Variants in SEMA3A observed in about 807,000 individuals in gnomAD.
SEMA3A encodes semaphorin 3A.
SEMA3A carries 29 observed loss-of-function variants against 97.9 expected under a neutral mutation model. That is an observed-to-expected ratio of 0.30 (90% CI 0.22 to 0.40). The LOEUF is 0.40. SEMA3A is among the 10% of genes least tolerant of loss of function. The pLI, the probability that SEMA3A is intolerant of heterozygous loss-of-function variation, is 1.00. For missense variants in SEMA3A, 763 were observed against 951.3 expected (o/e 0.80, Z 2.60); for synonymous variants, 321 against 323.7 (o/e 0.99, Z 0.09).
intron 1 of SEMA3A, among the ~76,000 whole-genome samples, chr7:84,392,663 T>C (rs1030868423): frequency 3.3e-5 from 5 of 152,168 alleles, no homozygotes; most frequent in African/African-American, 1.2e-4. Flanking sequence ...CTTTTCCTAA[T>C]TTACTTTCTC....
intron 2 of SEMA3A, among the ~76,000 whole-genome samples, chr7:84,310,201 T>C (rs921000477): frequency 6.6e-6 from 1 of 152,088 alleles, no homozygotes; most frequent in Admixed American, 6.5e-5. Context: ...TTGAATTCAG[T>C]AGTATAATGA....
chr7:84,011,771 A>G (rs983895611), intron 7 of SEMA3A, among the ~76,000 whole-genome samples: 1 of 152,214 alleles, frequency 6.6e-6, no homozygotes, highest in Admixed American at 6.5e-5. Context: ...GTCACCACAA[A>G]AAATAAGTAT....
rs58898080 is a variant in SEMA3A, at chr7:83,957,262, GCT to G, written c.*4107_*4108del. The G allele has an allele frequency of 0.11, 16,089 of 152,076 alleles. 1,234 individuals are homozygous for G. Among genetic ancestry groups the G allele is most frequent in the African/African-American group, 0.21 (8,827 of 41,442 alleles). 9.4% of individuals were successfully genotyped at this position (152,076 alleles called of 1,614,324 possible). ...GGATTAGATGATGATAAGTCATCTC[GCT>G]CTGTTTCCTTAATTTCATTGTGAGC... is the stretch of plus-strand genomic sequence containing the variant. On this transcript the variant is annotated 3_prime_UTR_variant, in exon 17 of 17. Transcript: ENST00000265362.
intron 1 of SEMA3A, among the ~76,000 whole-genome samples, chr7:84,447,446 C>A (rs1805446043): frequency 1.3e-5 from 2 of 152,144 alleles, no homozygotes; most frequent in African/African-American, 4.8e-5. Flanking sequence ...TGTGCTTTTT[C>A]CTGGCCTTGC....
chr7:84,172,637 A>G (rs112389035), intron 1 of SEMA3A, among the ~76,000 whole-genome samples: 14,791 of 151,972 alleles, frequency 0.097, 897 homozygotes, highest in African/African-American at 0.15. Flanking sequence ...TCTGTTAGCC[A>G]GGATGGTCTC....
At chr7:84,043,758 C>A (rs1792234830) in intron 6 of SEMA3A, among the ~76,000 whole-genome samples, 1 of 151,968 alleles carries the variant, frequency 6.6e-6, no homozygotes, top group African/African-American at 2.4e-5. Flanking sequence ...TCAGATGTAA[C>A]CTTTGTGCTA....
Position 83,959,303 on chromosome 7 carries a change from C to T in SEMA3A, c.*2068G>A, listed in dbSNP as rs1479537991. ...GCTGCAAATTTAGAATGAAACACAA[C>T]ACTGAATGTTAGTACAGTTTAGATA... On this transcript the variant is annotated 3_prime_UTR_variant, in exon 17 of 17. Coordinates refer to ENST00000265362, the MANE Select transcript of SEMA3A (RefSeq NM_006080.3). 1 of 152,026 alleles carries T rather than the reference C, an allele frequency of 6.6e-6. No homozygotes were observed. The highest frequency in any genetic ancestry group is 1.9e-4 in the East Asian group (1 of 5,198). 9.4% of individuals were successfully genotyped at this position (152,026 alleles called of 1,614,324 possible).
intron 3 of SEMA3A, among the ~76,000 whole-genome samples, chr7:84,204,925 A>C (rs1418844095): frequency 6.6e-6 from 1 of 152,210 alleles, no homozygotes; most frequent in Non-Finnish European, 1.5e-5. Context: ...CCAGATGTGC[A>C]TTTGAGATCC....
intron 3 of SEMA3A, among the ~76,000 whole-genome samples, chr7:84,235,633 C>A (rs963004121): frequency 2.0e-5 from 3 of 151,988 alleles, no homozygotes; most frequent in Non-Finnish European, 4.4e-5. Flanking sequence ...AATTCCTCTT[C>A]TCCATTTTGT....
Position 83,957,602 on chromosome 7 carries a change from TTC to T in SEMA3A, c.*3767_*3768del, listed in dbSNP as rs1321890915. 17 of 152,254 alleles carry T rather than the reference TTC, an allele frequency of 1.1e-4. No homozygotes were observed. In the East Asian group the frequency reaches 3.3e-3, roughly 29 times the overall value. 9.4% of individuals were successfully genotyped at this position (152,254 alleles called of 1,614,324 possible). On this transcript the variant is annotated 3_prime_UTR_variant, in exon 17 of 17. Transcript: ENST00000265362. ...TGGGCTGTCACATATGCTGATTTTA[TTC>T]TCTCTTTCATTTAGATATTTTCTTA...
chr7:84,338,142 T>C (rs1802081877), intron 2 of SEMA3A, among the ~76,000 whole-genome samples: 1 of 151,238 alleles, frequency 6.6e-6, no homozygotes, highest in Non-Finnish European at 1.5e-5. Context: ...TGTATATATA[T>C]AATAAAATAT....
intron 12 of SEMA3A, among the ~76,000 whole-genome samples, chr7:83,993,988 C>G (rs1208796515): frequency 1.6e-5 from 2 of 127,472 alleles, no homozygotes; most frequent in East Asian, 6.3e-4. Context: ...CACATAGTCC[C>G]ATATTTCTTG....
intron 2 of SEMA3A, among the ~76,000 whole-genome samples, 157 bp downstream of exon 2, chr7:84,134,637 T>A (rs910027719): frequency 3.9e-5 from 6 of 152,222 alleles, no homozygotes; most frequent in Non-Finnish European, 8.8e-5. Context: ...ATTGCATCCA[T>A]TGATTCATTA....
At chr7:84,425,140 TTA>T (rs1456649726) in intron 1 of SEMA3A, among the ~76,000 whole-genome samples, 10 of 110,236 alleles carry the variant, frequency 9.1e-5, no homozygotes, top group East Asian at 2.6e-4. Flanking sequence ...TATATAAATA[TTA>T]TATATATTTA....
intron 3 of SEMA3A, among the ~76,000 whole-genome samples, chr7:84,227,035 G>A (rs1403519169): frequency 6.6e-6 from 1 of 151,990 alleles, no homozygotes; most frequent in African/African-American, 2.4e-5. Flanking sequence ...GTTAATTTGT[G>A]AATGATAAAT....
intron 4 of SEMA3A, among the ~76,000 whole-genome samples, chr7:84,062,957 C>G (rs1193915173): frequency 6.6e-6 from 1 of 152,006 alleles, no homozygotes; most frequent in Non-Finnish European, 1.5e-5. Context: ...GGCTCCACCT[C>G]TGGGGGCAGG....
At chr7:84,097,092 C>T (rs1012478360) in intron 4 of SEMA3A, among the ~76,000 whole-genome samples, 2 of 151,958 alleles carry the variant, frequency 1.3e-5, no homozygotes, top group South Asian at 2.1e-4. Flanking sequence ...AAATGTGGGA[C>T]GCCAAGCATC....
At chr7:84,147,835 T>C (rs73177474) in intron 1 of SEMA3A, among the ~76,000 whole-genome samples, 8,418 of 152,248 alleles carry the variant, frequency 0.055, 328 homozygotes, top group East Asian at 0.2. Flanking sequence ...AAATTTGTCA[T>C]TTTAAAAAAT....
intron 1 of SEMA3A, among the ~76,000 whole-genome samples, chr7:84,424,221 G>A (rs1291511708): frequency 1.3e-5 from 2 of 150,438 alleles, no homozygotes; most frequent in Admixed American, 6.8e-5. Context: ...ATTCACAATT[G>A]CAAAGATACA....
Sources: allele counts gnomAD v4.1 joint callset (sites outside exome capture counted in the v4.1 genomes callset), GRCh38; gene constraint gnomAD v4.1.1; transcripts MANE v1.5; gene names NCBI Gene and HGNC (gene_info 2026-07-23, HGNC 2026-07-21).